Variants in TANGO6 observed in about 807,000 individuals in gnomAD.
The protein encoded by TANGO6 is transport and Golgi organization protein 6 homolog.
A neutral mutation model predicts 114.2 loss-of-function variants in TANGO6; 90 were observed. The observed-to-expected ratio is 0.79, with a 90% CI of 0.66 to 0.94. TANGO6 has a LOEUF of 0.94. TANGO6 is among the 40% of genes least tolerant of loss of function. TANGO6 has a pLI of 0.00. For synonymous variants in TANGO6, 477 were observed against 509.8 expected (o/e 0.94, Z 0.87); for missense variants, 1,274 against 1,315.3 (o/e 0.97, Z 0.49).
At chr16:68,970,667 CAA>C (rs11291012) in intron 14 of TANGO6, among the ~76,000 whole-genome samples, 1,421 of 110,568 alleles carry the variant, frequency 0.013, 14 homozygotes, top group African/African-American at 0.04. Flanking sequence ...AACTTCGTCT[CAA>C]AAAAAAAAAA....
At chr16:68,993,757 T>C (rs1963966282) in intron 15 of TANGO6, among the ~76,000 whole-genome samples, 1 of 152,228 alleles carries the variant, frequency 6.6e-6, no homozygotes, top group Admixed American at 6.5e-5. Context: ...TTTAATACTT[T>C]CATGATTACA....
At chr16:68,889,313 A>G (rs1597006701) in intron 7 of TANGO6, among the ~76,000 whole-genome samples, 2 of 152,194 alleles carry the variant, frequency 1.3e-5, no homozygotes, top group African/African-American at 2.4e-5. Flanking sequence ...TGTATAGTCT[A>G]TGAGTTTTGA....
intron 17 of TANGO6, among the ~76,000 whole-genome samples, chr16:69,040,809 T>C (rs879264018): frequency 2.0e-5 from 3 of 152,156 alleles, no homozygotes; most frequent in East Asian, 1.9e-4. Context: ...AAGGGCCTCA[T>C]TGAAGATGTT....
At chr16:68,936,527 G>T (rs1676178209) in intron 14 of TANGO6, among the ~76,000 whole-genome samples, 1 of 151,916 alleles carries the variant, frequency 6.6e-6, no homozygotes, top group African/African-American at 2.4e-5. Context: ...TAGACACAGG[G>T]TTTCACCGTG....
intron 16 of TANGO6, among the ~76,000 whole-genome samples, chr16:69,032,409 G>A (rs549992802): frequency 1.1e-4 from 16 of 151,968 alleles, no homozygotes; most frequent in Non-Finnish European, 2.4e-4. Context: ...GGGACTACAG[G>A]CATGTGCCAC....
intron 17 of TANGO6, among the ~76,000 whole-genome samples, chr16:69,041,640 G>A (rs559936650): frequency 1.2e-4 from 19 of 152,094 alleles, no homozygotes; most frequent in Non-Finnish European, 2.4e-4. Context: ...TCACTAGCGA[G>A]GCCATTGGAT....
chr16:68,887,495 G>A, intron 7 of TANGO6, among the ~76,000 whole-genome samples: 2 of 152,190 alleles, frequency 1.3e-5, no homozygotes, highest in East Asian at 3.8e-4. Context: ...TACTCAAAAA[G>A]GGCATAAGAA....
At chr16:68,878,303 T>G in intron 6 of TANGO6, 23 bp downstream of exon 6, 1 of 1,571,488 alleles carries the variant, frequency 6.4e-7, no homozygotes. Context: ...GTGTGGTGGC[T>G]GTGTGTGCCT....
chr16:68,974,990 C>G (rs1022037141), intron 15 of TANGO6, among the ~76,000 whole-genome samples: 1 of 150,768 alleles, frequency 6.6e-6, no homozygotes, highest in Non-Finnish European at 1.5e-5. Context: ...CCTGGGAGGT[C>G]GAGGCTGCAG....
intron 14 of TANGO6, among the ~76,000 whole-genome samples, chr16:68,934,884 C>T (rs182936819): frequency 9.9e-5 from 15 of 152,162 alleles, no homozygotes; most frequent in Non-Finnish European, 2.1e-4. Flanking sequence ...CTATCAAAAT[C>T]GCAGCTGTTG....
At chr16:69,008,643 T>A (rs1196804725) in intron 15 of TANGO6, among the ~76,000 whole-genome samples, 1 of 146,654 alleles carries the variant, frequency 6.8e-6, no homozygotes, top group Non-Finnish European at 1.5e-5. Flanking sequence ...GTTTGTTTGG[T>A]TTTTTTTTTG....
chr16:68,890,797 G>A (rs1567533154), intron 7 of TANGO6, among the ~76,000 whole-genome samples: 2 of 152,162 alleles, frequency 1.3e-5, no homozygotes, highest in Non-Finnish European at 2.9e-5. Context: ...AAGGCAGTTC[G>A]ATCACCTGAG....
intron 7 of TANGO6, among the ~76,000 whole-genome samples, chr16:68,897,183 C>T (rs1473800422): frequency 1.3e-5 from 2 of 151,940 alleles, no homozygotes; most frequent in Non-Finnish European, 2.9e-5. Context: ...TTACAGGTGC[C>T]GTGAACCGCT....
rs1350136547 is a variant in TANGO6 at position 69,020,925 on chromosome 16, T to TGTGTG, written c.2843-1902_2843-1898dup. 9.9e-5 allele frequency among the ~76,000 whole-genome samples: 15 copies of TGTGTG among 151,066 alleles called. No individual in the cohort carries two copies. The East Asian group carries it at 2.5e-3, about 26-fold the overall frequency. On this transcript the variant is annotated intron_variant, in intron 15 of 17. Transcript: ENST00000261778. ...ATGTATGTGTGTGTGTGTGTGTGTG[T>TGTGTG]GTGTGTGTGTGTGTGTGGTGTGTGT... is the stretch of plus-strand genomic sequence containing the variant.
chr16:69,077,721 C>T lies in TANGO6; in HGVS notation c.3109-5764C>T, dbSNP rs551604345. On this transcript the variant is annotated intron_variant, in intron 17 of 17. Transcript: ENST00000261778. ...GCACGTGCCTGTAATCCCAGCTACT[C>T]GGGAGGCTGAGGCACAAGAATCGCT... Among the ~76,000 whole-genome samples the T allele has an allele frequency of 1.2e-4, 19 of 152,038 alleles. 1 individual carries two copies. In the South Asian group the frequency reaches 2.5e-3, roughly 20 times the overall value.
At chr16:68,889,233 TG>T (rs1962579882) in intron 7 of TANGO6, among the ~76,000 whole-genome samples, 1 of 152,208 alleles carries the variant, frequency 6.6e-6, no homozygotes, top group East Asian at 1.9e-4. Context: ...TTGTTACAAT[TG>T]ATGAGCCCAC....
chr16:69,015,260 C>T (rs1169161071), intron 15 of TANGO6, among the ~76,000 whole-genome samples: 1 of 152,074 alleles, frequency 6.6e-6, no homozygotes, highest in African/African-American at 2.4e-5. Flanking sequence ...GGCAGGGGCC[C>T]TTTGAGAAAT....
chr16:69,071,293 G>A (rs1012897287), intron 17 of TANGO6, among the ~76,000 whole-genome samples: 11 of 152,164 alleles, frequency 7.2e-5, no homozygotes, highest in African/African-American at 2.4e-4. Flanking sequence ...TGGTTTTAAC[G>A]CCTCTGACAC....
At chr16:68,852,212 T>C (rs774699997) in intron 1 of TANGO6, among the ~76,000 whole-genome samples, 5 of 152,176 alleles carry the variant, frequency 3.3e-5, no homozygotes, top group Non-Finnish European at 7.3e-5. Flanking sequence ...TTCTAGTTGG[T>C]AGAAAGACAA....
Sources: gnomAD v4.1 joint callset for allele counts (sites outside exome capture counted in the v4.1 genomes callset) on GRCh38, gnomAD v4.1.1 for gene constraint, MANE v1.5 for transcripts, NCBI Gene and HGNC (gene_info 2026-07-23, HGNC 2026-07-21) for gene names.